RASSF3: variants seen among roughly 807,000 people sequenced by gnomAD.
RASSF3 encodes the protein Ras association domain family member 3, also known as ras association domain-containing protein 3.
A neutral mutation model predicts 19.9 loss-of-function variants in RASSF3; 19 were observed. That is an observed-to-expected ratio of 0.96 (90% CI 0.67 to 1.40). The LOEUF (loss-of-function observed/expected upper bound fraction) is 1.40. Ranked by LOEUF, RASSF3 falls within the 40% of genes most tolerant of loss-of-function variation. The pLI is 0.00. For missense variants in RASSF3, 306 were observed against 289.8 expected (o/e 1.06, Z -0.41); for synonymous variants, 110 against 104.2 (o/e 1.06, Z -0.34).
chr12:64,597,292 C>T (rs946607788), intron 2 of RASSF3, among the ~76,000 whole-genome samples: 1 of 151,782 alleles, frequency 6.6e-6, no homozygotes. Flanking sequence ...ACCACCGTAC[C>T]CAGCTAATTT....
rs1314339035 is a variant in RASSF3, at chr12:64,696,034, C to G, written c.*1122C>G. 6.6e-6 allele frequency: 1 copy of G among 151,632 alleles called. No individual in the cohort carries two copies. The highest frequency in any genetic ancestry group is 2.4e-5 in the African/African-American group (1 of 41,208). 9.4% of individuals were successfully genotyped at this position (151,632 alleles called of 1,614,324 possible). ...TTTATTCCTCCTTTCCTTTTCCTTT[C>G]TTCCCTTTTTTCTTTCCTTCCCTGC... On this transcript the variant is annotated 3_prime_UTR_variant, in exon 5 of 5. Transcript: ENST00000542104.
Position 64,684,013 on chromosome 12 carries a change from A to AGTGTGTGTGTGTGT in RASSF3, c.112-763_112-750dup, listed in dbSNP as rs10598381. Among the ~76,000 whole-genome samples the AGTGTGTGTGTGTGT allele has an allele frequency of 6.1e-3, 847 of 138,448 alleles. 8 individuals carry two copies. The highest frequency in any genetic ancestry group is 0.05 in the East Asian group (215 of 4,278). The allele number at this position is 138,448 out of a possible 152,430, so 90.8% of individuals were successfully genotyped here. On this transcript the variant is annotated intron_variant, in intron 1 of 4. Transcript: ENST00000542104. ...AGGAGAGAGAGAGAGAGAGAGAGTG[A>AGTGTGTGTGTGTGT]GTGTGTGTGTGTGTGTGTGTGTGTT... is the stretch of plus-strand genomic sequence containing the variant.
chr12:64,690,816 C>G (rs1265120969), intron 3 of RASSF3, among the ~76,000 whole-genome samples: 1 of 148,182 alleles, frequency 6.7e-6, no homozygotes. Context: ...GTAGTGGACC[C>G]TTTTTTAGGT....
chr12:64,538,431 C>T (rs188290520), intron 1 of RASSF3, among the ~76,000 whole-genome samples: 216 of 152,308 alleles, frequency 1.4e-3, no homozygotes, highest in African/African-American at 5.1e-3. Flanking sequence ...GTTAGGACTT[C>T]AACATCTGAA....
At chr12:64,515,160 G>A (rs371508974) in intron 1 of RASSF3, among the ~76,000 whole-genome samples, 25 of 151,980 alleles carry the variant, frequency 1.6e-4, no homozygotes, top group African/African-American at 5.3e-4. Context: ...GTGTTCAAGC[G>A]ATTCTCCTGC....
chr12:64,521,955 G>T (rs1868487410), intron 1 of RASSF3, among the ~76,000 whole-genome samples: 1 of 152,218 alleles, frequency 6.6e-6, no homozygotes, highest in Non-Finnish European at 1.5e-5. Context: ...CAGCCCTTCT[G>T]CTGGCTTGGT....
intron 2 of RASSF3, among the ~76,000 whole-genome samples, chr12:64,604,905 G>C (rs534821391): frequency 6.6e-6 from 1 of 152,194 alleles, no homozygotes; most frequent in Admixed American, 6.5e-5. Flanking sequence ...GATTACAGGC[G>C]TGAGCCACCG....
chr12:64,607,422 T>C (rs1032055034), upstream of RASSF3, among the ~76,000 whole-genome samples: 1 of 152,134 alleles, frequency 6.6e-6, no homozygotes, highest in African/African-American at 2.4e-5. Context: ...CAGGATAGAG[T>C]GCAGTGGCGT....
At chr12:64,635,936 T>G (rs1400240742) in intron 1 of RASSF3, among the ~76,000 whole-genome samples, 1 of 152,218 alleles carries the variant, frequency 6.6e-6, no homozygotes, top group Non-Finnish European at 1.5e-5. Context: ...AGGCAGTATC[T>G]CTTTTTTATG....
Position 64,691,532 on chromosome 12 carries a change from A to C in RASSF3, c.520A>C (p.Arg174=), listed in dbSNP as rs903266792. ...CTACCTGCGTTTGGTAGCAGGGCCCAGAACAGACACACTTAGTTTTGTTCT... is the reference window on the plus strand; with the variant it reads ...CTACCTGCGTTTGGTAGCAGGGCCCCGAACAGACACACTTAGTTTTGTTCT... ...PLYLRLVAGP[R]TDTLSFVLRE... is the part of the protein sequence containing the mutation. The change falls in exon 4 of 5, where the codon AGA becomes CGA. Residue 174 remains arginine (R), a synonymous_variant. Coordinates refer to ENST00000542104, the MANE Select transcript of RASSF3 (RefSeq NM_178169.4). 5.6e-6 allele frequency: 9 copies of C among 1,613,982 alleles called. No homozygotes were observed. Among genetic ancestry groups the C allele is most frequent in the Non-Finnish European group, 6.8e-6 (8 of 1,179,906 alleles).
At chr12:64,641,608 C>T (rs1033527095) in intron 1 of RASSF3, among the ~76,000 whole-genome samples, 2 of 147,032 alleles carry the variant, frequency 1.4e-5, no homozygotes, top group Non-Finnish European at 1.5e-5. Context: ...ACCAGCCAGG[C>T]AATATGGTGA....
intron 2 of RASSF3, among the ~76,000 whole-genome samples, chr12:64,563,132 A>AT (rs1274958552): frequency 1.3e-5 from 2 of 150,700 alleles, no homozygotes; most frequent in African/African-American, 2.4e-5. Flanking sequence ...GCCACATAAT[A>AT]TTTTTTTCTT....
chr12:64,687,630 C>T (rs185667748), intron 2 of RASSF3, among the ~76,000 whole-genome samples: 146 of 152,020 alleles, frequency 9.6e-4, no homozygotes, highest in East Asian at 3.1e-3. Flanking sequence ...GCATTCTATG[C>T]TGTATGGCAT....
chr12:64,507,457 A>G, intron 1 of RASSF3: 1 of 396,058 alleles, frequency 2.5e-6, no homozygotes, highest in Non-Finnish European at 4.4e-6. Context: ...AGCCTTTAAA[A>G]GGTATTCCAC....
chr12:64,669,735 C>T (rs1256278399), intron 1 of RASSF3, among the ~76,000 whole-genome samples: 1 of 151,808 alleles, frequency 6.6e-6, no homozygotes, highest in Non-Finnish European at 1.5e-5. Context: ...GACCGCAGTG[C>T]TGAGGAAAGG....
intron 2 of RASSF3, among the ~76,000 whole-genome samples, chr12:64,604,448 T>C (rs978444556): frequency 1.3e-5 from 2 of 151,724 alleles, no homozygotes; most frequent in Non-Finnish European, 2.9e-5. Flanking sequence ...TCACCCCACA[T>C]ACTTAACAAC....
At chr12:64,613,066 T>A (rs916135425) in intron 1 of RASSF3, among the ~76,000 whole-genome samples, 15 of 152,190 alleles carry the variant, frequency 9.9e-5, no homozygotes, top group Admixed American at 9.8e-4. Context: ...CGAATTTTAG[T>A]GAGCATTGTG....
chr12:64,678,936 TA>T (rs1316385933), intron 1 of RASSF3, among the ~76,000 whole-genome samples: 2 of 152,260 alleles, frequency 1.3e-5, no homozygotes, highest in African/African-American at 4.8e-5. Flanking sequence ...GTCACGCAGC[TA>T]GAATGTGGCA....
intron 2 of RASSF3, among the ~76,000 whole-genome samples, chr12:64,594,066 C>T (rs1180191305): frequency 6.8e-6 from 1 of 146,336 alleles, no homozygotes; most frequent in Non-Finnish European, 1.5e-5. Context: ...GGCGTGGTAG[C>T]TCACACCTGT....
Sources: allele counts gnomAD v4.1 joint callset (sites outside exome capture counted in the v4.1 genomes callset), GRCh38; gene constraint gnomAD v4.1.1; transcripts MANE v1.5; gene names NCBI Gene and HGNC (gene_info 2026-07-23, HGNC 2026-07-21).